PRKDC: variants seen among roughly 807,000 people sequenced by gnomAD.
PRKDC encodes the protein protein kinase, DNA-activated, catalytic subunit.
Under a neutral mutation model 486.9 loss-of-function variants are expected in PRKDC, and 82 were observed. That is an observed-to-expected ratio of 0.17 (90% CI 0.14 to 0.20). The LOEUF is 0.20. Among genes scored for constraint, PRKDC ranks in the 10% least tolerant of loss-of-function variants. PRKDC has a pLI of 1.00. For missense variants in PRKDC, 4,504 were observed against 5,038.2 expected (o/e 0.89, Z 3.21); for synonymous variants, 1,895 against 1,837.0 (o/e 1.03, Z -0.81).
chr8:47,942,313 G>A lies in PRKDC; in HGVS notation c.966+896C>T, dbSNP rs192249870. On this transcript the variant is annotated intron_variant, in intron 10 of 85. Coordinates refer to ENST00000314191, the MANE Select transcript of PRKDC (RefSeq NM_006904.7). Reference sequence around the variant, plus strand: ...CTCAAAGCCAAGAGTGACTTCAGGGGGAACACAAGTCTGACGGGAAGGCCA... The same window carrying A: ...CTCAAAGCCAAGAGTGACTTCAGGGAGAACACAAGTCTGACGGGAAGGCCA... 4.0e-3 allele frequency among the ~76,000 whole-genome samples: 605 copies of A among 152,298 alleles called. 4 individuals carry two copies. The highest frequency in any genetic ancestry group is 0.024 in the South Asian group (118 of 4,824).
chr8:47,900,500 G>A, intron 27 of PRKDC, 33 bp from the exon 28 acceptor site: 1 of 1,507,544 alleles, frequency 6.6e-7, no homozygotes, highest in Non-Finnish European at 9.1e-7. Flanking sequence ...CCTCACCTAA[G>A]AAAACAATAA....
At chr8:47,928,558 TA>T (rs200983824) in intron 19 of PRKDC, among the ~76,000 whole-genome samples, 30 of 151,548 alleles carry the variant, frequency 2.0e-4, no homozygotes, top group African/African-American at 5.1e-4. Flanking sequence ...TTTATTTATT[TA>T]TTTTTTTTTT....
rs1300991030 is a variant in PRKDC at position 47,915,433 on chromosome 8, A to G, written c.2527-15T>C. 4 of 1,393,278 alleles carry G rather than the reference A, an allele frequency of 2.9e-6. No individual in the cohort carries two copies. Among genetic ancestry groups the G allele is most frequent in the African/African-American group, 2.9e-5 (2 of 69,522 alleles). 86.3% of individuals were successfully genotyped at this position (1,393,278 alleles called of 1,614,324 possible). A position where few individuals can be genotyped will look rare whatever the true frequency, so the allele number is the denominator to read the frequency against. ...ATTGCTTCGTTCTGTAAATTTGAAC[A>G]ATTGTATATATGTGATTACAAATGG... On this transcript the variant is annotated splice_polypyrimidine_tract_variant and intron_variant, in intron 22 of 85. Transcript: ENST00000314191.
In PRKDC at chr8:47,929,876, C is replaced by A; in HGVS notation, c.2029G>T (p.Ala677Ser). The A allele has an allele frequency of 6.3e-7, 1 of 1,596,148 alleles. No individual in the cohort carries two copies. Among genetic ancestry groups the A allele is most frequent in the Non-Finnish European group, 8.5e-7 (1 of 1,175,750 alleles). Residue 677 changes from alanine (A) to serine (S), a missense_variant, in exon 18 of 86, where the codon GCC (alanine) becomes TCC (serine). Transcript: ENST00000314191. ...ACCTCGAAATATTTTATTTTCTTGGCATTTCTTACTGTAATAGAAAGCAAT... is the reference window on the plus strand; with the variant it reads ...ACCTCGAAATATTTTATTTTCTTGGAATTTCTTACTGTAATAGAAAGCAAT... ...YKLLSITVRN[A>S]KKIKYFEGVS...
chr8:47,950,978 TAAAAAAATA>T (rs1193397031), intron 7 of PRKDC, among the ~76,000 whole-genome samples: 1 of 151,806 alleles, frequency 6.6e-6, no homozygotes, highest in Admixed American at 6.6e-5. Context: ...CCCCATCTCT[TAAAAAAATA>T]AAAAAAATAA....
intron 21 of PRKDC, among the ~76,000 whole-genome samples, chr8:47,920,737 T>C (rs924112688): frequency 6.6e-6 from 1 of 152,240 alleles, no homozygotes; most frequent in Non-Finnish European, 1.5e-5. Context: ...CTACTTGTGT[T>C]TGTTTTCCCT....
intron 30 of PRKDC, among the ~76,000 whole-genome samples, chr8:47,893,701 C>G (rs1309800667): frequency 1.3e-5 from 2 of 152,146 alleles, no homozygotes; most frequent in Non-Finnish European, 2.9e-5. Flanking sequence ...ACAATAATAT[C>G]TACCTCTGGG....
chr8:47,833,469 G>A (rs1446441330), intron 59 of PRKDC, among the ~76,000 whole-genome samples: 4 of 151,872 alleles, frequency 2.6e-5, no homozygotes, highest in Non-Finnish European at 5.9e-5. Flanking sequence ...CCAGCCTCTC[G>A]GCACCCGTCT....
intron 11 of PRKDC, among the ~76,000 whole-genome samples, chr8:47,937,579 T>C (rs950761579): frequency 5.9e-5 from 9 of 152,342 alleles, no homozygotes; most frequent in Non-Finnish European, 1.2e-4. Flanking sequence ...CCAAGGCTTC[T>C]TTTCTAGGAC....
At position 47,859,665 on chromosome 8, in the gene PRKDC, G is replaced by T; in HGVS notation, c.6153C>A (p.Ser2051Arg). The change falls in exon 46 of 86, where the codon AGC (serine) becomes AGA (arginine). Residue 2051 changes from serine to arginine, a missense_variant. Physicochemically the swap from Ser to Arg is moderately radical, Grantham distance 110. Around this residue, in one of 6 missense-constraint regions of PRKDC, gnomAD observed 1,592 missense variants for 1,724.6 expected, o/e 0.92. Coordinates refer to ENST00000314191, the MANE Select transcript of PRKDC (RefSeq NM_006904.7). ...SQFDFSTGVQ[S>R]YSYSSQDPRP... ...TAGGGTCTTGGGAGCTGTATGAATA[G>T]CTCTGAACTCCGGTTGAGAAATCAA... is the stretch of plus-strand genomic sequence containing the variant. 4 of 1,613,964 alleles carry T rather than the reference G, an allele frequency of 2.5e-6. No homozygotes were observed. Among genetic ancestry groups the T allele is most frequent in the Non-Finnish European group, 3.4e-6 (4 of 1,179,874 alleles).
intron 28 of PRKDC, among the ~76,000 whole-genome samples, chr8:47,899,907 A>C (rs1159118309): frequency 6.6e-6 from 1 of 152,224 alleles, no homozygotes; most frequent in Non-Finnish European, 1.5e-5. Context: ...TATCTTTATA[A>C]TATTCCTTCA....
In PRKDC at chr8:47,799,381, C is replaced by G. The variant is rs2087051221; in HGVS notation, c.10126G>C (p.Gly3376Arg). The G allele has an allele frequency of 3.9e-6, 6 of 1,549,264 alleles. No homozygotes were observed. In the South Asian group the frequency reaches 7.3e-5, roughly 19 times the overall value. Residue 3376 changes from glycine (G) to arginine (R), a missense_variant, in exon 72 of 86, where the codon GGT (glycine) becomes CGT (arginine). Gly to Arg is a moderately radical substitution (Grantham distance 125). Coordinates refer to ENST00000314191, the MANE Select transcript of PRKDC (RefSeq NM_006904.7). ...SSEDSEKVIA[G>R]LYQRAFQHLS... ...TGCTGGAATGCTCTCTGGTACAGAC[C>G]CGCGATCACCTGGAATTCACAGAGA...
intron 28 of PRKDC, among the ~76,000 whole-genome samples, chr8:47,899,461 C>T (rs2089640469): frequency 6.6e-6 from 1 of 152,064 alleles, no homozygotes; most frequent in South Asian, 2.1e-4. Context: ...GCCAGGCTAA[C>T]ATGGAGAAAC....
At position 47,782,177 on chromosome 8, in the gene PRKDC, T is replaced by C. The variant is rs2086709438; in HGVS notation, c.11474A>G (p.Lys3825Arg). 6.2e-7 allele frequency: 1 copy of C among 1,613,800 alleles called. No individual in the cohort carries two copies. Among genetic ancestry groups the C allele is most frequent in the Admixed American group, 1.7e-5 (1 of 59,998 alleles). The change falls in exon 80 of 86, where the codon AAG becomes AGG. Residue 3825 changes from lysine (K) to arginine (R), a missense_variant. Transcript: ENST00000314191. The surrounding 1 kb of genome is among the most constrained non-coding windows in gnomAD (Gnocchi z 4.9). ...LLLNTMSQEE[K>R]AAYLSDPRAP... ...CCGCCCTTACCTCAGGTAAGCCGCC[T>C]TCTCCTCTTGGGACATGGTGTTCAA... is the stretch of plus-strand genomic sequence containing the variant.
intron 54 of PRKDC, among the ~76,000 whole-genome samples, chr8:47,847,097 C>T (rs1290942598): frequency 6.6e-6 from 1 of 152,154 alleles, no homozygotes; most frequent in Non-Finnish European, 1.5e-5. Flanking sequence ...AATGCTATTC[C>T]TATCAAACTA....
intron 49 of PRKDC, among the ~76,000 whole-genome samples, chr8:47,856,651 T>C (rs767008328): frequency 2.6e-5 from 4 of 152,056 alleles, no homozygotes; most frequent in Non-Finnish European, 5.9e-5. Flanking sequence ...CACACACACA[T>C]GTCTACACTG....
chr8:47,885,633 C>T (rs868077885), intron 36 of PRKDC, among the ~76,000 whole-genome samples: 2 of 152,142 alleles, frequency 1.3e-5, no homozygotes, highest in African/African-American at 4.8e-5. Context: ...TGGCTCACGC[C>T]TGTAATCCCA....
intron 68 of PRKDC, among the ~76,000 whole-genome samples, chr8:47,813,569 T>C (rs1245021781): frequency 1.3e-5 from 2 of 152,042 alleles, no homozygotes; most frequent in Admixed American, 1.3e-4. Flanking sequence ...ATGAGGATCT[T>C]ATATAATTTT....
chr8:47,830,538 T>C lies in PRKDC; in HGVS notation c.8397+67A>G, dbSNP rs565404338. The stretch of plus-strand genomic sequence containing the variant: ...ACAGCCTCAGCCATGTTTCCTCACA[T>C]AGGCAAACCCCTGAACTGGAAACAG... On this transcript the variant is annotated intron_variant, in intron 61 of 85. Coordinates refer to ENST00000314191, the MANE Select transcript of PRKDC (RefSeq NM_006904.7). The C allele has an allele frequency of 1.3e-5, 21 of 1,579,858 alleles. No individual in the cohort carries two copies. The African/African-American group carries it at 1.5e-4, about 11-fold the overall frequency.
Sources: gnomAD v4.1 joint callset for allele counts (sites outside exome capture counted in the v4.1 genomes callset) on GRCh38, gnomAD v4.1.1 for gene constraint, gnomAD v4.1.1 regional missense constraint, Gnocchi (gnomAD v3.1) non-coding constraint, MANE v1.5 for transcripts, NCBI Gene and HGNC (gene_info 2026-07-23, HGNC 2026-07-21) for gene names.